The following ITPRID1 variants were observed in gnomAD, a reference collection of about 807,000 sequenced individuals.
ITPRID1 encodes the protein ITPR interacting domain containing 1, also known as protein ITPRID1.
ITPRID1 carries 96 observed loss-of-function variants against 95.4 expected under a neutral mutation model. The ratio of observed to expected loss-of-function variants is 1.01; its 90% confidence interval spans 0.85 to 1.19. The LOEUF (loss-of-function observed/expected upper bound fraction) is 1.19. Ranked by LOEUF, ITPRID1 falls within the 50% of genes most tolerant of loss-of-function variation. ITPRID1 has a pLI of 0.00. For missense variants in ITPRID1, 1,339 were observed against 1,252.9 expected (o/e 1.07, Z -1.04); for synonymous variants, 510 against 453.6 (o/e 1.12, Z -1.58).
In ITPRID1 at chr7:31,654,835, A is replaced by G. The variant is rs1450551155; in HGVS notation, c.*2006A>G. 2.0e-5 allele frequency among the ~76,000 whole-genome samples: 3 copies of G among 152,138 alleles called. No homozygotes were observed. The highest frequency in any genetic ancestry group is 6.5e-5 in the Admixed American group (1 of 15,280). On this transcript the variant is annotated 3_prime_UTR_variant, in exon 15 of 15. Transcript: ENST00000615280. ...GCAAGTAACCTCAGAAACTAATTCT[A>G]TTGAAACCACCCACTACTCAAAACC...
chr7:31,598,825 C>A (rs976483457), intron 10 of ITPRID1, among the ~76,000 whole-genome samples: 3 of 151,986 alleles, frequency 2.0e-5, no homozygotes, highest in African/African-American at 4.8e-5. Context: ...AAAGCTTTAC[C>A]CTGTTATAAT....
At chr7:31,536,922 T>C (rs1783775406) in intron 1 of ITPRID1, among the ~76,000 whole-genome samples, 1 of 152,202 alleles carries the variant, frequency 6.6e-6, no homozygotes, top group African/African-American at 2.4e-5. Context: ...TTATTCAGAG[T>C]AAGTCTTGGA....
intron 12 of ITPRID1, among the ~76,000 whole-genome samples, chr7:31,646,434 T>C (rs1790474789): frequency 6.6e-6 from 1 of 151,952 alleles, no homozygotes; most frequent in South Asian, 2.1e-4. Flanking sequence ...CCGAGGAAGG[T>C]AGGCTGGAAA....
chr7:31,575,851 T>C (rs1397128829), intron 8 of ITPRID1, among the ~76,000 whole-genome samples: 1 of 151,398 alleles, frequency 6.6e-6, no homozygotes, highest in Non-Finnish European at 1.5e-5. Flanking sequence ...CGTTTTCAAG[T>C]AGGTAAAATG....
intron 10 of ITPRID1, among the ~76,000 whole-genome samples, chr7:31,629,694 T>A (rs1459491822): frequency 6.6e-6 from 1 of 152,198 alleles, no homozygotes. Flanking sequence ...ATCCTCATAT[T>A]AGATGCCAGA....
At chr7:31,616,923 G>A (rs1787299366) in intron 10 of ITPRID1, among the ~76,000 whole-genome samples, 1 of 151,852 alleles carries the variant, frequency 6.6e-6, no homozygotes, top group African/African-American at 2.4e-5. Flanking sequence ...TTGTGGGAAT[G>A]GTATGGTTGT....
chr7:31,577,795 G>T (rs2128146456), intron 8 of ITPRID1, 68 bp from the exon 9 acceptor site: 1 of 1,327,992 alleles, frequency 7.5e-7, no homozygotes, highest in South Asian at 1.6e-5. Flanking sequence ...CTTCAGTTTT[G>T]ACTACGTTAA....
chr7:31,583,123 T>G lies in ITPRID1; in HGVS notation c.1171-11T>G. On this transcript the variant is annotated splice_polypyrimidine_tract_variant and intron_variant, in intron 9 of 14. Transcript: ENST00000615280. ...AATTTCTAATGACATTGATGCATTTTGATATCTTAGGTCCAAAGCTTTGAA... is the reference window on the plus strand; with the variant it reads ...AATTTCTAATGACATTGATGCATTTGGATATCTTAGGTCCAAAGCTTTGAA... 6.3e-7 allele frequency: 1 copy of G among 1,599,754 alleles called. No homozygotes were observed. The highest frequency in any genetic ancestry group is 8.6e-7 in the Non-Finnish European group (1 of 1,169,066).
intron 10 of ITPRID1, among the ~76,000 whole-genome samples, chr7:31,604,806 A>G (rs1786544048): frequency 6.6e-6 from 1 of 152,134 alleles, no homozygotes; most frequent in African/African-American, 2.4e-5. Context: ...GAACCCTTTT[A>G]TTTTAGCCTG....
chr7:31,648,917 T>C (rs763888848), intron 12 of ITPRID1, among the ~76,000 whole-genome samples: 6 of 152,228 alleles, frequency 3.9e-5, no homozygotes, highest in Non-Finnish European at 7.3e-5. Flanking sequence ...ACAAGTTAAC[T>C]AGCCATTCTA....
At chr7:31,514,580 C>T (rs1782992247) in intron 1 of ITPRID1, among the ~76,000 whole-genome samples, 1 of 152,028 alleles carries the variant, frequency 6.6e-6, no homozygotes, top group African/African-American at 2.4e-5. Context: ...AGAGAGAGTC[C>T]AGCAGGTAAG....
chr7:31,516,136 A>G (rs1165940784), intron 1 of ITPRID1, among the ~76,000 whole-genome samples: 1 of 152,170 alleles, frequency 6.6e-6, no homozygotes, highest in African/African-American at 2.4e-5. Context: ...GACACATAGG[A>G]TTGGGTGAGG....
intron 10 of ITPRID1, among the ~76,000 whole-genome samples, chr7:31,628,944 A>G (rs1044106396): frequency 2.1e-4 from 32 of 152,320 alleles, no homozygotes; most frequent in South Asian, 8.3e-4. Flanking sequence ...AGGAAAAAAC[A>G]AAAACAAAAA....
At chr7:31,579,304 TACAA>T (rs1785311016) in intron 9 of ITPRID1, among the ~76,000 whole-genome samples, 1 of 152,194 alleles carries the variant, frequency 6.6e-6, no homozygotes, top group Admixed American at 6.5e-5. Flanking sequence ...GATAAGTAAT[TACAA>T]AGGAAGAACA....
intron 10 of ITPRID1, among the ~76,000 whole-genome samples, chr7:31,638,017 T>C (rs1237562206): frequency 6.6e-6 from 1 of 152,172 alleles, no homozygotes; most frequent in African/African-American, 2.4e-5. Flanking sequence ...TGTGGAAAAT[T>C]CTTCAGGATG....
At chr7:31,582,887 A>T (rs1456968350) in intron 9 of ITPRID1, among the ~76,000 whole-genome samples, 1 of 152,178 alleles carries the variant, frequency 6.6e-6, no homozygotes, top group Non-Finnish European at 1.5e-5. Flanking sequence ...ATTTCTTTCA[A>T]ATGCACATCT....
chr7:31,579,999 T>C (rs148376613), intron 9 of ITPRID1, among the ~76,000 whole-genome samples: 8 of 152,182 alleles, frequency 5.3e-5, no homozygotes, highest in African/African-American at 1.7e-4. Context: ...GTTAAATTAC[T>C]ATAAAGAATG....
intron 10 of ITPRID1, among the ~76,000 whole-genome samples, chr7:31,630,230 T>C (rs548711474): frequency 2.4e-3 from 96 of 39,192 alleles, no homozygotes; most frequent in African/African-American, 8.0e-3. Context: ...TCAAAGAAAA[T>C]AGAGTCTACT....
intron 1 of ITPRID1, among the ~76,000 whole-genome samples, chr7:31,548,106 A>T (rs1447772283): frequency 2.0e-5 from 3 of 152,066 alleles, no homozygotes; most frequent in African/African-American, 7.2e-5. Flanking sequence ...AGTAGAATAG[A>T]GGTGATGGGG....
Sources: allele counts gnomAD v4.1 joint callset (sites outside exome capture counted in the v4.1 genomes callset), GRCh38; gene constraint gnomAD v4.1.1; transcripts MANE v1.5; gene names NCBI Gene and HGNC (gene_info 2026-07-23, HGNC 2026-07-21).